CENPK: variants seen among roughly 807,000 people sequenced by gnomAD.
CENPK encodes the protein SoxLZ/Sox6-binding protein Solt.
CENPK carries 46 observed loss-of-function variants against 40.9 expected under a neutral mutation model. The ratio of observed to expected loss-of-function variants is 1.13; its 90% CI spans 0.89 to 1.44. CENPK has a LOEUF of 1.44. Among genes scored for constraint, CENPK ranks in the 40% most tolerant of loss-of-function variants. The pLI, the probability that CENPK is intolerant of heterozygous loss-of-function variation, is 0.00. For missense variants in CENPK, 288 were observed against 303.5 expected (o/e 0.95, Z 0.38); for synonymous variants, 107 against 104.4 (o/e 1.02, Z -0.15).
intron 3 of CENPK, 73 bp downstream of exon 3, chr5:65,554,724 T>C (rs1296157206): frequency 4.8e-6 from 4 of 838,778 alleles, no homozygotes; most frequent in South Asian, 1.5e-5. Context: ...AATCATTTCT[T>C]TCCTGAGTCT....
intron 5 of CENPK, among the ~76,000 whole-genome samples, chr5:65,545,465 T>C (rs1213983923): frequency 1.3e-5 from 2 of 151,804 alleles, no homozygotes; most frequent in African/African-American, 2.4e-5. Flanking sequence ...TGGCACATTT[T>C]TAAGTGCTAA....
chr5:65,543,496 T>G lies in CENPK; in HGVS notation c.242-648A>C, dbSNP rs76340479. Among the ~76,000 whole-genome samples the G allele has an allele frequency of 1.2e-3, 188 of 152,302 alleles. 1 individual carries two copies. The highest frequency in any genetic ancestry group is 2.3e-3 in the Non-Finnish European group (154 of 68,020). On this transcript the variant is annotated intron_variant, in intron 5 of 10. Coordinates refer to ENST00000396679, the MANE Select transcript of CENPK (RefSeq NM_022145.5). The stretch of plus-strand genomic sequence containing the variant: ...TTAAAAGGGTTATTTTTATCATCAT[T>G]GGTTTTACAAGAATGGGGTCATATC...
intron 5 of CENPK, chr5:65,551,249 CAAAAAAAAA>C (rs58442174): frequency 8.9e-5 from 10 of 112,162 alleles, no homozygotes; most frequent in Admixed American, 1.7e-4. Context: ...GACCCTGTCT[CAAAAAAAAA>C]AAAAAAAAAA....
intron 6 of CENPK, among the ~76,000 whole-genome samples, chr5:65,540,904 C>G (rs1386113423): frequency 6.6e-6 from 1 of 151,500 alleles, no homozygotes; most frequent in African/African-American, 2.4e-5. Context: ...ACCTCCCAGG[C>G]TCAAGCAATC....
intron 6 of CENPK, among the ~76,000 whole-genome samples, chr5:65,530,497 G>A (rs1042882207): frequency 5.3e-5 from 8 of 152,166 alleles, no homozygotes; most frequent in African/African-American, 1.7e-4. Context: ...AGGCCAAGGG[G>A]CAGAAGTATG....
chr5:65,516,671 TAA>T (rs1742879148), downstream of CENPK, among the ~76,000 whole-genome samples: 1 of 149,570 alleles, frequency 6.7e-6, no homozygotes, highest in Non-Finnish European at 1.5e-5. Context: ...TAATCAAAAA[TAA>T]GTTAAAAATT....
chr5:65,500,816 C>T, the CENPK span, among the ~76,000 whole-genome samples: 1 of 152,140 alleles, frequency 6.6e-6, no homozygotes, highest in Non-Finnish European at 1.5e-5. Context: ...GTACACACCA[C>T]CATGCCCAGC....
At position 65,547,408 on chromosome 5, in the gene CENPK, A is replaced by AAT. The variant is rs1554113776; in HGVS notation, c.241+4155_241+4156insAT. Among the ~76,000 whole-genome samples, 9 of 151,384 alleles carry AAT rather than the reference A, an allele frequency of 5.9e-5. No homozygotes were observed. In the East Asian group the frequency reaches 1.2e-3, roughly 20 times the overall value. On this transcript the variant is annotated intron_variant, in intron 5 of 10. Transcript: ENST00000396679. ...ACTGTCTCAAAAAAAAAAAAAAAAA[A>AAT]TTTTGAGTATGAGCAGTTTTTGAGA...
Position 65,529,107 on chromosome 5 carries a change from A to G in CENPK, c.371+10T>C, listed in dbSNP as rs1446782618. On this transcript the variant is annotated intron_variant, in intron 7 of 10. Transcript: ENST00000396679. ...ATGAATGATTAATAGTAATTGTAAC[A>G]TAAACAAACCTTTCTAAGTCTTCCT... 1 of 1,588,158 alleles carries G rather than the reference A, an allele frequency of 6.3e-7. No homozygotes were observed. The highest frequency in any genetic ancestry group is 1.1e-5 in the South Asian group (1 of 89,692).
rs190403196 is a variant in CENPK at position 65,520,511 on chromosome 5, A to T, written c.651+964T>A. Among the ~76,000 whole-genome samples the T allele has an allele frequency of 2.5e-3, 384 of 151,510 alleles. 1 individual carries two copies. Among genetic ancestry groups the T allele is most frequent in the African/African-American group, 8.7e-3 (358 of 41,294 alleles). The stretch of plus-strand genomic sequence containing the variant: ...ATTTCCATGACTGACAATTTTTATT[A>T]AAAAAAAAGGTTAAGTCATCCATGA... On this transcript the variant is annotated intron_variant, in intron 10 of 10. Coordinates refer to ENST00000396679, the MANE Select transcript of CENPK (RefSeq NM_022145.5).
the CENPK span, among the ~76,000 whole-genome samples, chr5:65,502,863 T>G: frequency 3.7e-3 from 565 of 152,216 alleles, 4 homozygotes; most frequent in African/African-American, 0.013. Flanking sequence ...TGGAGTGCAG[T>G]GGTGCAAGCT....
chr5:65,524,326 A>T (rs1413745782), intron 9 of CENPK, among the ~76,000 whole-genome samples: 2 of 151,590 alleles, frequency 1.3e-5, no homozygotes, highest in African/African-American at 4.8e-5. Flanking sequence ...TGGAGCTTAC[A>T]GTGAGCCAGG....
intron 2 of CENPK, among the ~76,000 whole-genome samples, chr5:65,558,167 T>G (rs1446975298): frequency 6.8e-6 from 1 of 146,660 alleles, no homozygotes; most frequent in African/African-American, 2.7e-5. Context: ...CACACACACA[T>G]TTTTTTTTCT....
At chr5:65,561,109 G>A (rs995162843) in intron 2 of CENPK, 1 of 154,334 alleles carries the variant, frequency 6.5e-6, no homozygotes, top group Non-Finnish European at 1.4e-5. Context: ...ATATATATAA[G>A]TACTGTAGCT....
the CENPK span, among the ~76,000 whole-genome samples, chr5:65,501,124 G>A: frequency 6.7e-6 from 1 of 149,168 alleles, no homozygotes; most frequent in Non-Finnish European, 1.5e-5. Context: ...TTTCTTTGCT[G>A]AGACTTTCTA....
At chr5:65,536,809 T>C (rs1746990642) in intron 6 of CENPK, among the ~76,000 whole-genome samples, 1 of 152,244 alleles carries the variant, frequency 6.6e-6, no homozygotes, top group Non-Finnish European at 1.5e-5. Context: ...CAACTGTCCT[T>C]TTTTCCCATT....
chr5:65,546,117 T>G (rs1245878260), intron 5 of CENPK, among the ~76,000 whole-genome samples: 2 of 152,216 alleles, frequency 1.3e-5, no homozygotes, highest in Non-Finnish European at 2.9e-5. Context: ...TCTGTTATAA[T>G]AATCTAATGG....
chr5:65,553,874 C>T (rs260048), intron 3 of CENPK, among the ~76,000 whole-genome samples: 90,205 of 152,038 alleles, frequency 0.59, 27,119 homozygotes, highest in Non-Finnish European at 0.63. Flanking sequence ...TTTCCCAAAC[C>T]GCATATCTGA....
At chr5:65,542,278 T>A (rs999635668) in intron 6 of CENPK, among the ~76,000 whole-genome samples, 3 of 152,206 alleles carry the variant, frequency 2.0e-5, no homozygotes, top group African/African-American at 7.2e-5. Context: ...AAACTAGATA[T>A]GAGATTAAGG....
Sources: gnomAD v4.1 joint callset for allele counts (sites outside exome capture counted in the v4.1 genomes callset) on GRCh38, gnomAD v4.1.1 for gene constraint, MANE v1.5 for transcripts, NCBI Gene and HGNC (gene_info 2026-07-23, HGNC 2026-07-21) for gene names.